The following SLC24A3 variants were observed in gnomAD, a reference collection of about 807,000 sequenced individuals.
SLC24A3 encodes solute carrier family 24 member 3.
In SLC24A3, 28 loss-of-function variants were observed where a neutral mutation model predicts 75.8. The ratio of observed to expected loss-of-function variants is 0.37; its 90% CI spans 0.27 to 0.51. The LOEUF is 0.51. SLC24A3 is among the 20% of genes least tolerant of loss of function. SLC24A3 has a pLI of 0.94. For synonymous variants in SLC24A3, 372 were observed against 334.1 expected, an observed-to-expected ratio of 1.11 and a Z score of -1.24; for missense variants, 663 against 847.8, an observed-to-expected ratio of 0.78 and a Z score of 2.71.
chr20:19,590,582 G>T (rs1034124537), intron 6 of SLC24A3, among the ~76,000 whole-genome samples: 1 of 152,212 alleles, frequency 6.6e-6, no homozygotes, highest in African/African-American at 2.4e-5. Context: ...AAGAGGGCAG[G>T]TGTGGCAGAA....
Position 19,678,362 on chromosome 20 carries a change from A to G in SLC24A3, c.768-3496A>G, listed in dbSNP as rs1387731197. Among the ~76,000 whole-genome samples the G allele has an allele frequency of 9.8e-5, 11 of 112,514 alleles. 1 individual carries two copies. Among genetic ancestry groups the G allele is most frequent in the Non-Finnish European group, 1.9e-4 (10 of 53,738 alleles). The allele number at this position is 112,514 out of a possible 152,430, so 73.8% of individuals were successfully genotyped here. A position where few individuals can be genotyped will look rare whatever the true frequency, so the allele number is the denominator to read the frequency against. On this transcript the variant is annotated intron_variant, in intron 9 of 16. Transcript: ENST00000328041. ...CTGACCCCCCCCACCTCCCTCCCGG[A>G]CGGGGCGGCTGGCCGGGCAGAGGGG... is the stretch of plus-strand genomic sequence containing the variant.
At chr20:19,333,724 G>A (rs534102810) in intron 2 of SLC24A3, among the ~76,000 whole-genome samples, 5 of 151,876 alleles carry the variant, frequency 3.3e-5, no homozygotes, top group South Asian at 4.2e-4. Context: ...GTGAGTTGAT[G>A]ACTGAACACG....
intron 13 of SLC24A3, chr20:19,694,571 C>T (rs1371668707): frequency 6.6e-6 from 1 of 152,188 alleles, no homozygotes; most frequent in Non-Finnish European, 1.5e-5. Context: ...TTTCATCTGA[C>T]ATATGCACCA....
At chr20:19,712,150 T>C (rs756506266) in intron 15 of SLC24A3, among the ~76,000 whole-genome samples, 26 of 152,008 alleles carry the variant, frequency 1.7e-4, no homozygotes, top group Non-Finnish European at 3.2e-4. Flanking sequence ...GAGGTCTCAC[T>C]ATGTTGCCCA....
chr20:19,406,448 A>G (rs959188862), intron 2 of SLC24A3, among the ~76,000 whole-genome samples: 1 of 152,214 alleles, frequency 6.6e-6, no homozygotes, highest in Non-Finnish European at 1.5e-5. Context: ...AGAGACTAAC[A>G]TAATTGACTT....
At chr20:19,617,930 C>T (rs961819240) in intron 6 of SLC24A3, among the ~76,000 whole-genome samples, 1 of 152,116 alleles carries the variant, frequency 6.6e-6, no homozygotes, top group African/African-American at 2.4e-5. Flanking sequence ...TCCTGGGGAG[C>T]TTAAAAACTC....
chr20:19,507,912 T>C (rs572141975), intron 2 of SLC24A3, among the ~76,000 whole-genome samples: 1 of 152,346 alleles, frequency 6.6e-6, no homozygotes, highest in South Asian at 2.1e-4. Flanking sequence ...CTCTTTCATG[T>C]ATCCCAGCCT....
chr20:19,635,803 C>T (rs1371916680), intron 6 of SLC24A3, among the ~76,000 whole-genome samples: 1 of 152,162 alleles, frequency 6.6e-6, no homozygotes, highest in Non-Finnish European at 1.5e-5. Context: ...TATCAGATTA[C>T]TTTCATGGCA....
intron 9 of SLC24A3, among the ~76,000 whole-genome samples, chr20:19,679,218 G>C (rs1341307587): frequency 6.6e-6 from 1 of 152,136 alleles, no homozygotes; most frequent in African/African-American, 2.4e-5. Flanking sequence ...GCACCATTGA[G>C]CACTGAGTGA....
chr20:19,479,124 T>C (rs1988008713), intron 2 of SLC24A3, among the ~76,000 whole-genome samples: 1 of 152,234 alleles, frequency 6.6e-6, no homozygotes, highest in African/African-American at 2.4e-5. Context: ...TACCCCTAAG[T>C]TGAAAGATCA....
At chr20:19,263,175 G>T (rs1315778287) in intron 1 of SLC24A3, among the ~76,000 whole-genome samples, 2 of 152,056 alleles carry the variant, frequency 1.3e-5, no homozygotes, top group African/African-American at 4.8e-5. Context: ...GCTGACCTTG[G>T]CTGGTAGTGG....
chr20:19,597,098 T>C (rs1389735519), intron 6 of SLC24A3, among the ~76,000 whole-genome samples: 1 of 152,178 alleles, frequency 6.6e-6, no homozygotes, highest in Non-Finnish European at 1.5e-5. Flanking sequence ...AAATACAATT[T>C]TTTGCTAGGC....
At position 19,606,821 on chromosome 20, in the gene SLC24A3, G is replaced by A. The variant is rs542933492; in HGVS notation, c.612+21277G>A. On this transcript the variant is annotated intron_variant, in intron 6 of 16. Transcript: ENST00000328041. ...TGGTGGTCAGAACAGGGTGTGGCCT[G>A]TGCAAGTCCACACAGTGAAGAACTA... is the stretch of plus-strand genomic sequence containing the variant. Among the ~76,000 whole-genome samples the A allele has an allele frequency of 3.3e-5, 5 of 152,320 alleles. No homozygotes were observed. In the East Asian group the frequency reaches 9.6e-4, roughly 29 times the overall value.
intron 1 of SLC24A3, among the ~76,000 whole-genome samples, chr20:19,239,053 G>A (rs889012509): frequency 6.7e-6 from 1 of 150,198 alleles, no homozygotes; most frequent in South Asian, 2.2e-4. Flanking sequence ...ACAGTGTGGG[G>A]AAAAGTGTTA....
chr20:19,285,284 C>G (rs993273765), intron 2 of SLC24A3, among the ~76,000 whole-genome samples: 32 of 152,164 alleles, frequency 2.1e-4, no homozygotes, highest in African/African-American at 7.5e-4. Context: ...TCGGGACCAG[C>G]CTGGGCAACA....
chr20:19,592,128 T>C (rs1206476572), intron 6 of SLC24A3, among the ~76,000 whole-genome samples: 1 of 152,196 alleles, frequency 6.6e-6, no homozygotes, highest in Non-Finnish European at 1.5e-5. Context: ...ATCAGTACTA[T>C]TTTGTTTTGT....
chr20:19,471,077 G>A (rs979470490), intron 2 of SLC24A3, among the ~76,000 whole-genome samples: 3 of 152,206 alleles, frequency 2.0e-5, no homozygotes, highest in African/African-American at 7.2e-5. Flanking sequence ...TGGAGAACAT[G>A]TCTGGGGTTC....
chr20:19,327,350 A>G (rs1001798581), intron 2 of SLC24A3, among the ~76,000 whole-genome samples: 7 of 152,128 alleles, frequency 4.6e-5, no homozygotes, highest in African/African-American at 1.4e-4. Context: ...ACGTTCTTTC[A>G]TTTTCCCATG....
At chr20:19,390,390 G>A (rs1169150378) in intron 2 of SLC24A3, among the ~76,000 whole-genome samples, 2 of 152,172 alleles carry the variant, frequency 1.3e-5, no homozygotes, top group South Asian at 2.1e-4. Flanking sequence ...CCATGGGTGG[G>A]CTTGCCACTA....
Sources: gnomAD v4.1 joint callset for allele counts (sites outside exome capture counted in the v4.1 genomes callset) on GRCh38, gnomAD v4.1.1 for gene constraint, MANE v1.5 for transcripts, NCBI Gene and HGNC (gene_info 2026-07-23, HGNC 2026-07-21) for gene names.